NCR3LG1: variants seen among roughly 807,000 people sequenced by gnomAD.
NCR3LG1 encodes the protein natural cytotoxicity triggering receptor 3 ligand 1.
NCR3LG1 carries 35 observed loss-of-function variants against 34.8 expected under a neutral mutation model. That is an observed-to-expected ratio of 1.01 (90% CI 0.77 to 1.33). NCR3LG1 has a LOEUF of 1.33. Ranked by LOEUF, NCR3LG1 falls within the 40% of genes most tolerant of loss-of-function variation. The pLI is 0.00. For missense variants in NCR3LG1, 452 were observed against 423.3 expected, an observed-to-expected ratio of 1.07 and a Z score of -0.60; for synonymous variants, 173 against 163.6, an observed-to-expected ratio of 1.06 and a Z score of -0.44.
intron 2 of NCR3LG1, among the ~76,000 whole-genome samples, chr11:17,360,190 C>G (rs1480400648): frequency 6.6e-6 from 1 of 152,136 alleles, no homozygotes; most frequent in African/African-American, 2.4e-5. Flanking sequence ...TGTATGTCTT[C>G]TTTGATGAGA....
chr11:17,362,691 CCTTTCTTTCTTTCTTTCTTT>C (rs757163762), intron 2 of NCR3LG1, among the ~76,000 whole-genome samples: 536 of 33,090 alleles, frequency 0.016, 16 homozygotes, highest in Middle Eastern at 0.034. Context: ...TTCCTTCCTT[CCTTTCTTTCTTTCTTTCTTT>C]CTTTCTTTCT....
chr11:17,357,631 G>A (rs1398066750), intron 2 of NCR3LG1, among the ~76,000 whole-genome samples: 1 of 150,348 alleles, frequency 6.7e-6, no homozygotes, highest in African/African-American at 2.4e-5. Context: ...GAATAACAGT[G>A]ACAGTGGCTA....
At chr11:17,355,349 A>G (rs908892985) in intron 1 of NCR3LG1, among the ~76,000 whole-genome samples, 1 of 152,150 alleles carries the variant, frequency 6.6e-6, no homozygotes, top group Non-Finnish European at 1.5e-5. Flanking sequence ...GTGAGCAGTG[A>G]TAGCACCACT....
chr11:17,371,824 C>T (rs1372855764), intron 4 of NCR3LG1, among the ~76,000 whole-genome samples, 182 bp from the exon 5 acceptor site: 3 of 152,132 alleles, frequency 2.0e-5, no homozygotes, highest in Admixed American at 6.5e-5. Context: ...CTAGCTCCTC[C>T]GGATTCATGG....
intron 2 of NCR3LG1, among the ~76,000 whole-genome samples, chr11:17,365,833 A>T (rs1953339199): frequency 6.6e-6 from 1 of 152,190 alleles, no homozygotes; most frequent in African/African-American, 2.4e-5. Context: ...AAGCTAGTCC[A>T]CACTCATCCT....
rs952792460 is a variant in NCR3LG1 at position 17,356,635 on chromosome 11, C to T, written c.71-16C>T. The T allele has an allele frequency of 4.0e-6, 6 of 1,492,130 alleles. No homozygotes were observed. The South Asian group carries it at 6.2e-5, about 15-fold the overall frequency. 92.4% of individuals were successfully genotyped at this position (1,492,130 alleles called of 1,614,324 possible). A position where few individuals can be genotyped will look rare whatever the true frequency, so the allele number is the denominator to read the frequency against. The stretch of plus-strand genomic sequence containing the variant: ...TACATTGGTAAACTGAACATTGTGT[C>T]CTCTTATTGCCACAGGTGATCTGAA... On this transcript the variant is annotated splice_polypyrimidine_tract_variant and intron_variant, in intron 1 of 4. Transcript: ENST00000338965.
At chr11:17,380,309 T>C (rs1953507274), downstream of NCR3LG1, among the ~76,000 whole-genome samples, 1 of 151,950 alleles carries the variant, frequency 6.6e-6, no homozygotes, top group Non-Finnish European at 1.5e-5. Context: ...TTCCAGTAAA[T>C]TGGGGTGTCT....
intron 2 of NCR3LG1, among the ~76,000 whole-genome samples, chr11:17,363,526 C>CCTTCCTTCCTT (rs1554898594): frequency 0.022 from 1,413 of 65,200 alleles, 46 homozygotes; most frequent in Middle Eastern, 0.07. Context: ...CTCCCTCCCT[C>CCTTCCTTCCTT]CCTCCCTCCC....
chr11:17,372,832 C>G lies in NCR3LG1; in HGVS notation c.*320C>G, dbSNP rs1953427815. On this transcript the variant is annotated 3_prime_UTR_variant, in exon 5 of 5. Transcript: ENST00000338965. ...ATACCCAATAGGAAGCGAGGCAGTG[C>G]CCCTTGAACAACATAATTCGGACCC... is the stretch of plus-strand genomic sequence containing the variant. 1 of 279,192 alleles carries G rather than the reference C, an allele frequency of 3.6e-6. No homozygotes were observed. The highest frequency in any genetic ancestry group is 6.7e-6 in the Non-Finnish European group (1 of 148,426). The allele number at this position is 279,192 out of a possible 1,614,324, so 17.3% of individuals were successfully genotyped here. A position where few individuals can be genotyped will look rare whatever the true frequency, so the allele number is the denominator to read the frequency against.
chr11:17,360,669 C>G (rs1953260677), intron 2 of NCR3LG1, among the ~76,000 whole-genome samples: 1 of 151,652 alleles, frequency 6.6e-6, no homozygotes, highest in African/African-American at 2.4e-5. Flanking sequence ...TGTCCTTTCT[C>G]CATTGAATTG....
chr11:17,356,657 T>C lies in NCR3LG1; in HGVS notation c.77T>C (p.Leu26Pro). 6.5e-7 allele frequency: 1 copy of C among 1,530,368 alleles called. No individual in the cohort carries two copies. Among genetic ancestry groups the C allele is most frequent in the Non-Finnish European group, 8.7e-7 (1 of 1,143,322 alleles). 94.8% of individuals were successfully genotyped at this position (1,530,368 alleles called of 1,614,324 possible). Reference protein sequence around the residue: ...LLWALTTEGDLKVEMMAGGTQ... With the variant: ...LLWALTTEGDPKVEMMAGGTQ... Reference sequence around the variant, plus strand: ...TGTCCTCTTATTGCCACAGGTGATCTGAAAGTAGAGATGATGGCAGGGGGG... The same window carrying C: ...TGTCCTCTTATTGCCACAGGTGATCCGAAAGTAGAGATGATGGCAGGGGGG... Residue 26 changes from leucine to proline, a missense_variant, in exon 2 of 5, where the codon CTG (leucine) becomes CCG (proline). Coordinates refer to ENST00000338965, the MANE Select transcript of NCR3LG1 (RefSeq NM_001202439.3).
downstream of NCR3LG1, among the ~76,000 whole-genome samples, chr11:17,379,926 G>C (rs960728317): frequency 2.0e-5 from 3 of 152,160 alleles, no homozygotes; most frequent in African/African-American, 7.2e-5. Flanking sequence ...GAGGAGTGCA[G>C]TCAGCTGATG....
Position 17,372,347 on chromosome 11 carries a change from T to C in NCR3LG1, c.1200T>C (p.Asp400=). ...LTVTSGKSID[D]NSTKSEKQTP... ...TTACATCAGGCAAGTCCATAGATGA[T>C]AATTCCACAAAGTCTGAGAAACAAA... is the stretch of plus-strand genomic sequence containing the variant. The change falls in exon 5 of 5, where the codon GAT becomes GAC. Residue 400 remains aspartate, a synonymous_variant. Transcript: ENST00000338965. 1 of 703,082 alleles carries C rather than the reference T, an allele frequency of 1.4e-6. No homozygotes were observed. Among genetic ancestry groups the C allele is most frequent in the Non-Finnish European group, 2.6e-6 (1 of 385,010 alleles). 43.6% of individuals were successfully genotyped at this position (703,082 alleles called of 1,614,324 possible).
downstream of NCR3LG1, among the ~76,000 whole-genome samples, chr11:17,380,068 A>G (rs1591691277): frequency 6.6e-6 from 1 of 152,102 alleles, no homozygotes; most frequent in African/African-American, 2.4e-5. Flanking sequence ...ATACTGAACT[A>G]TATCCCGAGA....
chr11:17,354,306 T>G (rs1322832210), intron 1 of NCR3LG1, among the ~76,000 whole-genome samples: 1 of 152,246 alleles, frequency 6.6e-6, no homozygotes, highest in Non-Finnish European at 1.5e-5. Context: ...AGGCGAATGC[T>G]GTTAAGCTGT....
chr11:17,373,023 A>C lies in NCR3LG1; in HGVS notation c.*511A>C, dbSNP rs563424389. ...TTTTGGAAAGGCTGAGAGAGGCTGT[A>C]GTGAAACACACTTCCTTGTCTCCTG... On this transcript the variant is annotated 3_prime_UTR_variant, in exon 5 of 5. Coordinates refer to ENST00000338965, the MANE Select transcript of NCR3LG1 (RefSeq NM_001202439.3). 12 of 153,202 alleles carry C rather than the reference A, an allele frequency of 7.8e-5. No homozygotes were observed. Among genetic ancestry groups the C allele is most frequent in the Non-Finnish European group, 1.6e-4 (11 of 68,706 alleles). 9.5% of individuals were successfully genotyped at this position (153,202 alleles called of 1,614,324 possible).
downstream of NCR3LG1, among the ~76,000 whole-genome samples, chr11:17,377,730 C>T (rs2133372253): frequency 6.6e-6 from 1 of 152,308 alleles, no homozygotes; most frequent in Non-Finnish European, 1.5e-5. Context: ...TTTGTGGCTC[C>T]TGGCTACACT....
chr11:17,363,695 C>G (rs1459900621), intron 2 of NCR3LG1, among the ~76,000 whole-genome samples: 2 of 151,876 alleles, frequency 1.3e-5, no homozygotes, highest in Non-Finnish European at 2.9e-5. Flanking sequence ...GGCTCAAGCC[C>G]AAGTGATCCT....
downstream of NCR3LG1, among the ~76,000 whole-genome samples, chr11:17,379,769 ATGTTTTTT>A (rs1953504195): frequency 6.6e-6 from 1 of 152,240 alleles, no homozygotes; most frequent in East Asian, 1.9e-4. Flanking sequence ...AATATTTAAA[ATGTTTTTT>A]AAAGCCACTG....
Sources: allele counts gnomAD v4.1 joint callset (sites outside exome capture counted in the v4.1 genomes callset), GRCh38; gene constraint gnomAD v4.1.1; transcripts MANE v1.5; gene names NCBI Gene and HGNC (gene_info 2026-07-23, HGNC 2026-07-21).